UROC1: variants seen among roughly 807,000 people sequenced by gnomAD.
The protein encoded by UROC1 is urocanate hydratase.
UROC1 carries 79 observed loss-of-function variants against 89.5 expected under a neutral mutation model. That is an observed-to-expected ratio of 0.88 (90% CI 0.74 to 1.06). UROC1 has a LOEUF of 1.06. UROC1 is among the 50% of genes least tolerant of loss of function. UROC1 has a pLI of 0.00. For missense variants in UROC1, 885 were observed against 907.8 expected (o/e 0.97, Z 0.32); for synonymous variants, 361 against 354.8 (o/e 1.02, Z -0.20).
chr3:126,513,350 C>G (rs1237101177), intron 1 of UROC1, among the ~76,000 whole-genome samples: 3 of 152,224 alleles, frequency 2.0e-5, no homozygotes, highest in East Asian at 1.9e-4. Context: ...GCTAGTGCAG[C>G]CTTCAGCAGG....
intron 18 of UROC1, among the ~76,000 whole-genome samples, chr3:126,484,419 G>A (rs1935466154): frequency 6.6e-6 from 1 of 152,200 alleles, no homozygotes. Flanking sequence ...GTAAACGCCT[G>A]TCGTTGTGTT....
At chr3:126,510,544 T>C (rs1160011502) in intron 2 of UROC1, 120 bp downstream of exon 2, 14 of 1,494,006 alleles carry the variant, frequency 9.4e-6, no homozygotes, top group Middle Eastern at 2.0e-4. Flanking sequence ...CCTCCTGGTC[T>C]GGACAGACTG....
At chr3:126,512,861 A>G (rs1936224307) in intron 1 of UROC1, among the ~76,000 whole-genome samples, 1 of 152,256 alleles carries the variant, frequency 6.6e-6, no homozygotes, top group Non-Finnish European at 1.5e-5. Context: ...ATGATTCAAC[A>G]TCACTACACT....
chr3:126,482,426 C>T lies in UROC1; in HGVS notation c.1950G>A (p.Met650Ile), dbSNP rs757996376. 6.2e-7 allele frequency: 1 copy of T among 1,614,050 alleles called. No individual in the cohort carries two copies. The highest frequency in any genetic ancestry group is 8.5e-7 in the Non-Finnish European group (1 of 1,180,014). ...QKAYEIICQT[M>I]QENSTLVVTL... ...TCACCACCAAGGTGCTGTTCTCCTG[C>T]ATGGTCTGGCAGATGATCTCATAGG... is the stretch of plus-strand genomic sequence containing the variant. Residue 650 changes from methionine to isoleucine, a missense_variant, in exon 20 of 20, where the codon ATG becomes ATA. Coordinates refer to ENST00000290868, the MANE Select transcript of UROC1 (RefSeq NM_144639.3).
chr3:126,500,615 A>G (rs1935895465), intron 11 of UROC1, 80 bp downstream of exon 11: 2 of 1,575,596 alleles, frequency 1.3e-6, no homozygotes, highest in Non-Finnish European at 1.7e-6. Flanking sequence ...TGGTTGCTGG[A>G]GAACTAGGTG....
chr3:126,497,217 T>C (rs988828892), intron 14 of UROC1, among the ~76,000 whole-genome samples: 2 of 152,066 alleles, frequency 1.3e-5, no homozygotes, highest in Non-Finnish European at 2.9e-5. Flanking sequence ...GTAAGGGCCC[T>C]AGAGATGTGA....
chr3:126,485,599 AT>A (rs915423838), intron 18 of UROC1, among the ~76,000 whole-genome samples: 2 of 138,556 alleles, frequency 1.4e-5, no homozygotes, highest in African/African-American at 3.2e-5. Flanking sequence ...TTATTTATTT[AT>A]TTTTTTTTGG....
At chr3:126,501,316 C>T in intron 9 of UROC1, 36 bp from the exon 10 acceptor site, 1 of 1,613,352 alleles carries the variant, frequency 6.2e-7, no homozygotes, top group South Asian at 1.1e-5. Flanking sequence ...GTGCCCCCTG[C>T]ACCTGTGCAT....
intron 1 of UROC1, among the ~76,000 whole-genome samples, chr3:126,511,568 A>C (rs2107550716): frequency 6.6e-6 from 1 of 152,364 alleles, no homozygotes; most frequent in East Asian, 1.9e-4. Context: ...AGTTGTGTCA[A>C]ATGCATTAGA....
intron 16 of UROC1, 108 bp from the exon 17 acceptor site, chr3:126,489,483 C>T (rs1293887281): frequency 2.3e-6 from 2 of 864,132 alleles, no homozygotes; most frequent in East Asian, 4.9e-5. Context: ...GATTTCTCCT[C>T]CTGGAAAATA....
intron 1 of UROC1, 74 bp downstream of exon 1, chr3:126,517,520 C>A: frequency 6.2e-7 from 1 of 1,609,476 alleles, no homozygotes. Flanking sequence ...GGGCAGGAAG[C>A]CTGGGTGCTC....
intron 13 of UROC1, among the ~76,000 whole-genome samples, chr3:126,498,654 T>C (rs1576719801): frequency 1.3e-5 from 2 of 151,996 alleles, no homozygotes; most frequent in East Asian, 3.9e-4. Flanking sequence ...TGCCTCCTCC[T>C]GGGCAGCCCT....
At position 126,501,115 on chromosome 3, in the gene UROC1, C is replaced by T. The variant is rs533973169; in HGVS notation, c.965+103G>A. 66 of 1,367,844 alleles carry T rather than the reference C, an allele frequency of 4.8e-5. No individual in the cohort carries two copies. The East Asian group carries it at 1.4e-3, about 29-fold the overall frequency. 84.7% of individuals were successfully genotyped at this position (1,367,844 alleles called of 1,614,324 possible). A position where few individuals can be genotyped will look rare whatever the true frequency, so the allele number is the denominator to read the frequency against. On this transcript the variant is annotated intron_variant, in intron 10 of 19. Transcript: ENST00000290868. ...ACAAGGGTGGCGCTGAACTGGGGCT[C>T]AAAGCTTTGTGTCCTGGCAGCTCCT...
At chr3:126,502,730 C>T (rs1935962865) in intron 9 of UROC1, among the ~76,000 whole-genome samples, 1 of 144,318 alleles carries the variant, frequency 6.9e-6, no homozygotes, top group South Asian at 2.3e-4. Context: ...TGTTATGTGT[C>T]TGTTTATGTG....
rs180954620 is a variant in UROC1 at position 126,486,766 on chromosome 3, G to A, written c.1790+1432C>T. 7.9e-5 allele frequency among the ~76,000 whole-genome samples: 12 copies of A among 152,328 alleles called. No homozygotes were observed. The East Asian group carries it at 1.4e-3, about 17-fold the overall frequency. On this transcript the variant is annotated intron_variant, in intron 18 of 19. Transcript: ENST00000290868. ...TGGGGCGTCCCCTTGGAGTAGCCACGGTGGGGATGGAATTGGGAGTGGCAT... is the reference window on the plus strand; with the variant it reads ...TGGGGCGTCCCCTTGGAGTAGCCACAGTGGGGATGGAATTGGGAGTGGCAT...
intron 3 of UROC1, 25 bp from the exon 4 acceptor site, chr3:126,508,500 A>G: frequency 6.2e-7 from 1 of 1,606,098 alleles, no homozygotes; most frequent in South Asian, 1.1e-5. Flanking sequence ...GGGTCATCTG[A>G]GATGAGGGCC....
chr3:126,494,657 C>T (rs1362877517), intron 15 of UROC1, among the ~76,000 whole-genome samples: 1 of 152,168 alleles, frequency 6.6e-6, no homozygotes, highest in Non-Finnish European at 1.5e-5. Context: ...TCTGTTTTGT[C>T]CTCATTACAC....
chr3:126,501,487 C>G (rs562904354), intron 9 of UROC1, among the ~76,000 whole-genome samples: 2 of 152,214 alleles, frequency 1.3e-5, no homozygotes, highest in East Asian at 1.9e-4. Context: ...AAGGGAAAAT[C>G]CAGACCCAAA....
intron 8 of UROC1, among the ~76,000 whole-genome samples, chr3:126,504,755 C>T (rs949095029): frequency 2.6e-5 from 4 of 152,236 alleles, no homozygotes; most frequent in East Asian, 1.9e-4. Context: ...TGGCACATAT[C>T]GCCAAGCCTT....
Sources: allele counts gnomAD v4.1 joint callset (sites outside exome capture counted in the v4.1 genomes callset), GRCh38; gene constraint gnomAD v4.1.1; transcripts MANE v1.5; gene names NCBI Gene and HGNC (gene_info 2026-07-23, HGNC 2026-07-21).